The following MTMR3 variants were observed in gnomAD, a reference collection of about 807,000 sequenced individuals.
MTMR3 encodes phosphatidylinositol-3,5-bisphosphate 3-phosphatase MTMR3.
A neutral mutation model predicts 132.4 loss-of-function variants in MTMR3; 32 were observed. The ratio of observed to expected loss-of-function variants is 0.24; its 90% confidence interval spans 0.18 to 0.32. The LOEUF is 0.32. Among genes scored for constraint, MTMR3 ranks in the 10% least tolerant of loss-of-function variants. The pLI is 1.00. For synonymous variants in MTMR3, 556 were observed against 550.3 expected (o/e 1.01, Z -0.14); for missense variants, 1,216 against 1,489.6 (o/e 0.82, Z 3.02).
chr22:29,940,120 T>G (rs1276734329), intron 1 of MTMR3, among the ~76,000 whole-genome samples: 4 of 151,922 alleles, frequency 2.6e-5, no homozygotes, highest in Non-Finnish European at 4.4e-5. Context: ...ACAAAAAAAT[T>G]AGCCGGGCGT....
chr22:29,897,488 T>G lies in MTMR3; in HGVS notation c.-138+14129T>G, dbSNP rs564873757. ...TTATTTTTGAGACGGGCTCTCACTCTGTTGCCCATACTGATGTGCAGTGGC... is the reference window on the plus strand; with the variant it reads ...TTATTTTTGAGACGGGCTCTCACTCGGTTGCCCATACTGATGTGCAGTGGC... On this transcript the variant is annotated intron_variant, in intron 1 of 19. Transcript: ENST00000401950. 4.0e-3 allele frequency among the ~76,000 whole-genome samples: 607 copies of G among 152,346 alleles called. 1 individual carries two copies. Among genetic ancestry groups the G allele is most frequent in the Non-Finnish European group, 7.2e-3 (490 of 68,042 alleles).
intron 1 of MTMR3, among the ~76,000 whole-genome samples, chr22:29,919,171 C>T (rs941607645): frequency 6.6e-6 from 1 of 152,184 alleles, no homozygotes; most frequent in Admixed American, 6.5e-5. Context: ...GTCACTGGGT[C>T]ATTAAGTTAC....
intron 6 of MTMR3, 174 bp downstream of exon 6, chr22:29,988,736 G>T: frequency 2.8e-6 from 1 of 355,978 alleles, no homozygotes; most frequent in Non-Finnish European, 5.0e-6. Context: ...ACTTTGCTAT[G>T]TTGAAAGATG....
intron 1 of MTMR3, among the ~76,000 whole-genome samples, chr22:29,897,251 A>G (rs1905484297): frequency 6.6e-6 from 1 of 151,424 alleles, no homozygotes; most frequent in African/African-American, 2.4e-5. Context: ...TAATTTTTGT[A>G]TTTTTAGTAG....
intron 1 of MTMR3, among the ~76,000 whole-genome samples, chr22:29,940,197 G>A (rs1740251233): frequency 6.6e-6 from 1 of 152,134 alleles, no homozygotes; most frequent in Non-Finnish European, 1.5e-5. Flanking sequence ...GAACCCGGGA[G>A]GCGGAACTTG....
chr22:29,951,149 C>CA (rs138194458), intron 1 of MTMR3, among the ~76,000 whole-genome samples: 7,134 of 149,012 alleles, frequency 0.048, 560 homozygotes, highest in African/African-American at 0.16. Flanking sequence ...GACTCAGTCT[C>CA]AAAAAAAAAG....
intron 10 of MTMR3, 182 bp from the exon 11 acceptor site, chr22:30,007,719 C>T (rs2067303471): frequency 2.9e-6 from 2 of 692,170 alleles, no homozygotes; most frequent in Non-Finnish European, 4.7e-6. Context: ...AAATCCTTCT[C>T]ATCTTTCATA....
At chr22:30,012,726 C>A in intron 13 of MTMR3, 163 bp downstream of exon 13, 1 of 675,598 alleles carries the variant, frequency 1.5e-6, no homozygotes. Flanking sequence ...TGGTTCCTCC[C>A]ACAGTTCTTG....
At chr22:29,908,164 T>C (rs1444909094) in intron 1 of MTMR3, among the ~76,000 whole-genome samples, 2 of 152,164 alleles carry the variant, frequency 1.3e-5, no homozygotes, top group African/African-American at 2.4e-5. Flanking sequence ...GGATTCAGAA[T>C]GGGAGTAACC....
chr22:29,924,560 G>A (rs1398602699), intron 1 of MTMR3, among the ~76,000 whole-genome samples: 5 of 152,154 alleles, frequency 3.3e-5, no homozygotes, highest in Non-Finnish European at 4.4e-5. Context: ...GAAATTCCGT[G>A]TGAATTTTAG....
intron 1 of MTMR3, among the ~76,000 whole-genome samples, chr22:29,935,562 T>C (rs113914778): frequency 2.8e-4 from 42 of 152,274 alleles, no homozygotes; most frequent in African/African-American, 9.6e-4. Flanking sequence ...AAACGAGACG[T>C]CATATTTCTC....
intron 2 of MTMR3, among the ~76,000 whole-genome samples, chr22:29,968,088 A>G (rs2066464828): frequency 1.3e-5 from 2 of 152,158 alleles, no homozygotes; most frequent in African/African-American, 2.4e-5. Flanking sequence ...ATACCTTGTC[A>G]GTTCTCTTAG....
At chr22:29,977,654 C>G (rs997036220) in intron 3 of MTMR3, among the ~76,000 whole-genome samples, 4 of 152,140 alleles carry the variant, frequency 2.6e-5, no homozygotes, top group Non-Finnish European at 4.4e-5. Flanking sequence ...ATAATGAACT[C>G]TCACCCAGTT....
In MTMR3 at chr22:29,912,418, G is replaced by A. The variant is rs149513462; in HGVS notation, c.-138+29059G>A. 3.9e-5 allele frequency among the ~76,000 whole-genome samples: 6 copies of A among 152,166 alleles called. No homozygotes were observed. The East Asian group carries it at 1.2e-3, about 29-fold the overall frequency. ...GATCCTCCTGCCTCCCAAGTAGCTG[G>A]GATTACAGGTGTGCGCTACCATGCC... On this transcript the variant is annotated intron_variant, in intron 1 of 19. Coordinates refer to ENST00000401950, the MANE Select transcript of MTMR3 (RefSeq NM_021090.4).
chr22:29,963,679 C>T (rs538254767), intron 2 of MTMR3, among the ~76,000 whole-genome samples: 1 of 152,170 alleles, frequency 6.6e-6, no homozygotes, highest in Admixed American at 6.5e-5. Context: ...AGCCACTGTG[C>T]CCAGCCCACT....
intron 12 of MTMR3, chr22:30,010,898 C>A (rs370506350): frequency 1.3e-5 from 2 of 152,272 alleles, no homozygotes; most frequent in African/African-American, 2.4e-5. Flanking sequence ...AACAGACTTA[C>A]AATTCATTAA....
At chr22:30,012,074 C>T (rs2067445575) in intron 12 of MTMR3, 1 of 272,266 alleles carries the variant, frequency 3.7e-6, no homozygotes. Flanking sequence ...TTTCCTTATA[C>T]CATGGACTGA....
chr22:29,885,746 A>T (rs1165420989), intron 1 of MTMR3, among the ~76,000 whole-genome samples: 1 of 152,132 alleles, frequency 6.6e-6, no homozygotes, highest in Non-Finnish European at 1.5e-5. Flanking sequence ...AGTTCTTGAG[A>T]TTTGCCGCAG....
At chr22:29,977,169 G>A (rs764804951) in intron 3 of MTMR3, among the ~76,000 whole-genome samples, 1 of 152,142 alleles carries the variant, frequency 6.6e-6, no homozygotes, top group Non-Finnish European at 1.5e-5. Flanking sequence ...GTGGGCGCCT[G>A]TGGTCCCAGC....
Sources: gnomAD v4.1 joint callset for allele counts (sites outside exome capture counted in the v4.1 genomes callset) on GRCh38, gnomAD v4.1.1 for gene constraint, MANE v1.5 for transcripts, NCBI Gene and HGNC (gene_info 2026-07-23, HGNC 2026-07-21) for gene names.